The following NELL1 variants were observed in gnomAD, a reference collection of about 807,000 sequenced individuals.
NELL1 encodes the protein neural EGFL like 1.
NELL1 carries 76 observed loss-of-function variants against 107.4 expected under a neutral mutation model. That is an observed-to-expected ratio of 0.71 (90% CI 0.59 to 0.86). The LOEUF (loss-of-function observed/expected upper bound fraction) is 0.86. Ranked by LOEUF, NELL1 falls within the 40% of genes least tolerant of loss-of-function variation. NELL1 has a pLI of 0.00. For synonymous variants in NELL1, 353 were observed against 341.2 expected (o/e 1.03, Z -0.38); for missense variants, 1,024 against 1,005.5 (o/e 1.02, Z -0.25).
At chr11:20,748,606 T>C (rs906177800) in intron 2 of NELL1, among the ~76,000 whole-genome samples, 1 of 152,138 alleles carries the variant, frequency 6.6e-6, no homozygotes, top group African/African-American at 2.4e-5. Flanking sequence ...AAATTTTGTA[T>C]GCCTTTGCAT....
At chr11:21,019,517 A>T (rs1052975764) in intron 12 of NELL1, among the ~76,000 whole-genome samples, 29 of 152,046 alleles carry the variant, frequency 1.9e-4, no homozygotes, top group African/African-American at 6.5e-4. Context: ...ATTGGTTCTC[A>T]ACTGGGGGCA....
At chr11:20,722,011 G>A (rs535889998) in intron 2 of NELL1, among the ~76,000 whole-genome samples, 1 of 122,904 alleles carries the variant, frequency 8.1e-6, no homozygotes, top group East Asian at 2.8e-4. Context: ...TGACCTTTCT[G>A]AGTCTCTCTT....
At chr11:20,792,427 C>A (rs1357739302) in intron 3 of NELL1, among the ~76,000 whole-genome samples, 1 of 151,924 alleles carries the variant, frequency 6.6e-6, no homozygotes, top group Non-Finnish European at 1.5e-5. Context: ...TTCTTTCCAA[C>A]TTTAATAAGG....
chr11:21,236,895 C>T (rs1200786967), intron 14 of NELL1, among the ~76,000 whole-genome samples: 1 of 152,044 alleles, frequency 6.6e-6, no homozygotes, highest in Non-Finnish European at 1.5e-5. Context: ...CATACTTTTG[C>T]CTATAGTTTG....
chr11:20,957,752 G>A (rs1002974201), intron 11 of NELL1, among the ~76,000 whole-genome samples: 3 of 152,050 alleles, frequency 2.0e-5, no homozygotes, highest in African/African-American at 7.2e-5. Context: ...AATACAGTAA[G>A]TGAAATTAAA....
chr11:21,084,405 G>A (rs902047458), intron 12 of NELL1, among the ~76,000 whole-genome samples: 1 of 152,164 alleles, frequency 6.6e-6, no homozygotes, highest in South Asian at 2.1e-4. Flanking sequence ...ATTGCTGATA[G>A]CATAAAATGA....
At chr11:20,976,641 TAG>T (rs1851642037) in intron 12 of NELL1, among the ~76,000 whole-genome samples, 1 of 152,226 alleles carries the variant, frequency 6.6e-6, no homozygotes, top group African/African-American at 2.4e-5. Context: ...GTGTTTAACA[TAG>T]CATCTGTTTA....
At chr11:20,796,827 G>C (rs1857178311) in intron 3 of NELL1, among the ~76,000 whole-genome samples, 1 of 152,100 alleles carries the variant, frequency 6.6e-6, no homozygotes, top group African/African-American at 2.4e-5. Flanking sequence ...AGGGAGCAAG[G>C]CACCCTACCT....
chr11:21,574,045 C>A (rs1488592384), intron 19 of NELL1, among the ~76,000 whole-genome samples: 2 of 151,826 alleles, frequency 1.3e-5, no homozygotes, highest in Non-Finnish European at 2.9e-5. Context: ...TGACCATTCT[C>A]TCCCTTCAAA....
chr11:20,842,930 C>T (rs904211632), intron 3 of NELL1, among the ~76,000 whole-genome samples: 2 of 152,168 alleles, frequency 1.3e-5, no homozygotes, highest in Admixed American at 1.3e-4. Flanking sequence ...GCTATTATTA[C>T]ATAAATAATG....
chr11:21,284,175 C>G (rs1590803523), intron 14 of NELL1: 1 of 450,614 alleles, frequency 2.2e-6, no homozygotes, highest in Non-Finnish European at 4.5e-6. Context: ...TCATACAAAT[C>G]CTTCAACAAC....
At chr11:21,046,406 GGTTTA>G (rs1853354847) in intron 12 of NELL1, among the ~76,000 whole-genome samples, 1 of 152,022 alleles carries the variant, frequency 6.6e-6, no homozygotes, top group Non-Finnish European at 1.5e-5. Context: ...GCCTAGATTG[GGTTTA>G]GCATGCCTCA....
intron 2 of NELL1, among the ~76,000 whole-genome samples, chr11:20,684,958 T>C (rs533034553): frequency 2.0e-5 from 3 of 152,166 alleles, no homozygotes; most frequent in African/African-American, 7.2e-5. Flanking sequence ...GGTGGGTCTT[T>C]CCTGTCCTTG....
At chr11:21,568,638 T>G (rs1857026727) in intron 17 of NELL1, among the ~76,000 whole-genome samples, 1 of 151,894 alleles carries the variant, frequency 6.6e-6, no homozygotes, top group Non-Finnish European at 1.5e-5. Context: ...TTTTTAAAAC[T>G]TATTAAACAT....
intron 15 of NELL1, among the ~76,000 whole-genome samples, chr11:21,409,044 C>T (rs1248479421): frequency 6.6e-6 from 1 of 151,978 alleles, no homozygotes; most frequent in Non-Finnish European, 1.5e-5. Flanking sequence ...GGATCTAGAA[C>T]TAGAAATACC....
chr11:21,259,589 C>A (rs1355570362), intron 14 of NELL1, among the ~76,000 whole-genome samples: 6 of 151,780 alleles, frequency 4.0e-5, no homozygotes, highest in African/African-American at 1.5e-4. Context: ...AGCCAGGAAG[C>A]CTTGAATGCC....
chr11:20,868,801 T>C (rs901641793), intron 4 of NELL1, among the ~76,000 whole-genome samples: 1 of 152,102 alleles, frequency 6.6e-6, no homozygotes, highest in Non-Finnish European at 1.5e-5. Flanking sequence ...TTAAATTTTA[T>C]ATAAAAGAGA....
intron 13 of NELL1, among the ~76,000 whole-genome samples, chr11:21,114,028 A>G (rs189561436): frequency 1.1e-4 from 17 of 152,142 alleles, no homozygotes; most frequent in South Asian, 8.3e-4. Context: ...GAAAGTATCA[A>G]TTATTTTCGT....
chr11:21,252,496 A>G (rs944786756), intron 14 of NELL1, among the ~76,000 whole-genome samples: 2 of 152,152 alleles, frequency 1.3e-5, no homozygotes, highest in African/African-American at 4.8e-5. Flanking sequence ...ATGCAGCTAA[A>G]GGAAGGTATT....
Sources: gnomAD v4.1 joint callset for allele counts (sites outside exome capture counted in the v4.1 genomes callset) on GRCh38, gnomAD v4.1.1 for gene constraint, MANE v1.5 for transcripts, NCBI Gene and HGNC (gene_info 2026-07-23, HGNC 2026-07-21) for gene names.